OCA2: variants seen among roughly 807,000 people sequenced by gnomAD.
OCA2 encodes the protein OCA2 melanosomal transmembrane protein, also known as P protein.
In OCA2, 77 loss-of-function variants were observed where a neutral mutation model predicts 100.2. That is an observed-to-expected ratio of 0.77 (90% confidence interval 0.64 to 0.93). The LOEUF (loss-of-function observed/expected upper bound fraction) is 0.93, where lower values mean the gene tolerates loss of function less well. Among genes scored for constraint, OCA2 ranks in the 40% least tolerant of loss-of-function variants. The pLI is 0.00. For missense variants in OCA2, 1,062 were observed against 1,089.1 expected, an observed-to-expected ratio of 0.98 and a Z score of 0.35; for synonymous variants, 432 against 439.2, an observed-to-expected ratio of 0.98 and a Z score of 0.21.
chr15:27,808,531 C>T (rs1447680912), intron 23 of OCA2, among the ~76,000 whole-genome samples: 1 of 152,180 alleles, frequency 6.6e-6, no homozygotes, highest in African/African-American at 2.4e-5. Context: ...ATTCTAAAAC[C>T]ATGCATGGTG....
chr15:27,825,091 T>C (rs1044292507), intron 23 of OCA2, among the ~76,000 whole-genome samples: 2 of 152,182 alleles, frequency 1.3e-5, no homozygotes, highest in Non-Finnish European at 2.9e-5. Context: ...AATTATCACA[T>C]TAGACACAAT....
chr15:27,870,802 AAGAAAGAAAG>A (rs1308116758), intron 21 of OCA2, among the ~76,000 whole-genome samples: 3 of 120,892 alleles, frequency 2.5e-5, no homozygotes, highest in South Asian at 3.5e-4. Context: ...GAAAGAAAGA[AAGAAAGAAAG>A]AGAGAGAGAA....
At chr15:27,782,274 G>T (rs1267450291) in intron 23 of OCA2, among the ~76,000 whole-genome samples, 1 of 152,134 alleles carries the variant, frequency 6.6e-6, no homozygotes, top group African/African-American at 2.4e-5. Context: ...CAAATGAAAT[G>T]CAATCCAAGA....
intron 18 of OCA2, among the ~76,000 whole-genome samples, chr15:27,940,269 G>A (rs180809241): frequency 8.5e-5 from 13 of 152,124 alleles, no homozygotes; most frequent in Non-Finnish European, 1.5e-4. Context: ...TTTGTGTATC[G>A]GTTCACTAGT....
At chr15:28,014,959 C>T in intron 8 of OCA2, 30 bp from the exon 9 acceptor site, 1 of 1,612,488 alleles carries the variant, frequency 6.2e-7, no homozygotes, top group Non-Finnish European at 8.5e-7. Flanking sequence ...CCTTACTGTT[C>T]ACAAGGTCAA....
intron 6 of OCA2, among the ~76,000 whole-genome samples, chr15:28,019,782 C>T (rs1310734848): frequency 1.3e-5 from 2 of 152,136 alleles, no homozygotes; most frequent in Non-Finnish European, 2.9e-5. Flanking sequence ...CTATACTGCA[C>T]GCCCTTTCTC....
At chr15:27,845,553 C>T (rs571145763) in intron 22 of OCA2, among the ~76,000 whole-genome samples, 1 of 152,274 alleles carries the variant, frequency 6.6e-6, no homozygotes, top group South Asian at 2.1e-4. Flanking sequence ...CATAAAACAC[C>T]TCTCTGGGTA....
chr15:27,979,472 A>G (rs2041075263), intron 14 of OCA2, among the ~76,000 whole-genome samples: 1 of 152,104 alleles, frequency 6.6e-6, no homozygotes, highest in African/African-American at 2.4e-5. Context: ...AATTTGTTTT[A>G]TATTTGTTCC....
chr15:28,059,483 G>A (rs2043805455), intron 2 of OCA2, among the ~76,000 whole-genome samples: 1 of 152,196 alleles, frequency 6.6e-6, no homozygotes, highest in Admixed American at 6.5e-5. Flanking sequence ...CAAGCATGCA[G>A]TGAGCTATGA....
chr15:28,040,869 TG>T (rs1294616364), intron 2 of OCA2, among the ~76,000 whole-genome samples: 1 of 152,118 alleles, frequency 6.6e-6, no homozygotes, highest in Non-Finnish European at 1.5e-5. Context: ...AGAAAAGCCC[TG>T]GATGAGATAG....
At chr15:27,877,991 T>A (rs1359115603) in intron 19 of OCA2, among the ~76,000 whole-genome samples, 1 of 150,250 alleles carries the variant, frequency 6.7e-6, no homozygotes, top group Admixed American at 6.6e-5. Context: ...TATTATTAAG[T>A]ATTAAATATT....
At chr15:27,815,904 G>A (rs531502539) in intron 23 of OCA2, among the ~76,000 whole-genome samples, 1 of 152,308 alleles carries the variant, frequency 6.6e-6, no homozygotes, top group Non-Finnish European at 1.5e-5. Flanking sequence ...GGCTGAGGCG[G>A]GTAGATCACC....
intron 2 of OCA2, among the ~76,000 whole-genome samples, chr15:28,063,672 A>G (rs543335122): frequency 7.9e-5 from 12 of 152,064 alleles, no homozygotes; most frequent in Non-Finnish European, 1.3e-4. Flanking sequence ...TCTATACAGA[A>G]CCTTTGCTCC....
At position 28,040,294 on chromosome 15, in the gene OCA2, T is replaced by C. The variant is rs140691554; in HGVS notation, c.228-8131A>G. On this transcript the variant is annotated intron_variant, in intron 2 of 23. Coordinates refer to ENST00000354638, the MANE Select transcript of OCA2 (RefSeq NM_000275.3). ...TGATGGCAATTCTAGCAAACTAATA[T>C]AATACCTTGAGACAAATGAAAATGA... is the stretch of plus-strand genomic sequence containing the variant. 2.8e-4 allele frequency among the ~76,000 whole-genome samples: 43 copies of C among 152,256 alleles called. No homozygotes were observed. In the East Asian group the frequency reaches 8.1e-3, roughly 29 times the overall value.
chr15:27,771,810 G>A (rs2031890560), intron 23 of OCA2, among the ~76,000 whole-genome samples: 1 of 151,704 alleles, frequency 6.6e-6, no homozygotes, highest in African/African-American at 2.4e-5. Context: ...CTTTCTTGAC[G>A]CTAAAACTCT....
At chr15:28,031,839 C>T (rs780549553) in intron 3 of OCA2, among the ~76,000 whole-genome samples, 65 of 152,140 alleles carry the variant, frequency 4.3e-4, no homozygotes, top group Non-Finnish European at 7.6e-4. Flanking sequence ...CATGAGTGTG[C>T]GTGTGTGCTG....
At chr15:28,077,060 GT>G (rs1020481789) in intron 2 of OCA2, among the ~76,000 whole-genome samples, 227 of 131,054 alleles carry the variant, frequency 1.7e-3, no homozygotes, top group South Asian at 2.7e-3. Context: ...TGCTTAATTT[GT>G]TTTTTTTTTT....
intron 5 of OCA2, 77 bp from the exon 6 acceptor site, chr15:28,022,650 GA>G: frequency 9.4e-7 from 1 of 1,068,364 alleles, no homozygotes. Context: ...GATAACAGTC[GA>G]AAACAGATGT....
chr15:27,723,042 C>T, the OCA2 span, among the ~76,000 whole-genome samples: 1 of 151,818 alleles, frequency 6.6e-6, no homozygotes, highest in African/African-American at 2.4e-5. Flanking sequence ...GGGGTTTCAC[C>T]ATGTTGGCCA....
Sources: allele counts gnomAD v4.1 joint callset (sites outside exome capture counted in the v4.1 genomes callset), GRCh38; gene constraint gnomAD v4.1.1; transcripts MANE v1.5; gene names NCBI Gene and HGNC (gene_info 2026-07-23, HGNC 2026-07-21).